The following ATP11B variants were observed in gnomAD, a reference collection of about 807,000 sequenced individuals.
The protein encoded by ATP11B is ATPase phospholipid transporting 11B (putative), also known as phospholipid-transporting ATPase IF.
ATP11B carries 81 observed loss-of-function variants against 157.8 expected under a neutral mutation model. That is an observed-to-expected ratio of 0.51 (90% CI 0.43 to 0.62). The LOEUF is 0.62. Among genes scored for constraint, ATP11B ranks in the 20% least tolerant of loss-of-function variants. ATP11B has a pLI of 0.00. For missense variants in ATP11B, 1,165 were observed against 1,402.2 expected (o/e 0.83, Z 2.70); for synonymous variants, 451 against 469.4 (o/e 0.96, Z 0.51).
At chr3:182,829,894 A>G in intron 4 of ATP11B, 142 bp downstream of exon 4, 1 of 1,434,054 alleles carries the variant, frequency 7.0e-7, no homozygotes, top group Non-Finnish European at 9.1e-7. Flanking sequence ...GTAAAATTAA[A>G]CTGAATTAGC....
chr3:182,911,536 G>C (rs531016492), intron 28 of ATP11B, among the ~76,000 whole-genome samples: 122 of 152,082 alleles, frequency 8.0e-4, no homozygotes, highest in African/African-American at 2.8e-3. Flanking sequence ...CTGTAAACTG[G>C]GGATGATCAT....
chr3:182,920,376 T>G lies in ATP11B; in HGVS notation c.*2272T>G, dbSNP rs1208170192. 6.6e-6 allele frequency: 1 copy of G among 152,172 alleles called. No individual in the cohort carries two copies. The highest frequency in any genetic ancestry group is 1.5e-5 in the Non-Finnish European group (1 of 68,036). 9.4% of individuals were successfully genotyped at this position (152,172 alleles called of 1,614,324 possible). On this transcript the variant is annotated 3_prime_UTR_variant, in exon 30 of 30. Coordinates refer to ENST00000323116, the MANE Select transcript of ATP11B (RefSeq NM_014616.3). ...GTGATTTTAAGAAAAGAGTTTTCTA[T>G]TTATTTAAGAAAGTAACAATGCAGT... is the stretch of plus-strand genomic sequence containing the variant.
At chr3:182,888,122 A>G (rs1430775914) in intron 24 of ATP11B, among the ~76,000 whole-genome samples, 1 of 152,226 alleles carries the variant, frequency 6.6e-6, no homozygotes, top group Non-Finnish European at 1.5e-5. Flanking sequence ...TTCCCACCCC[A>G]GATTCTCTGC....
intron 8 of ATP11B, among the ~76,000 whole-genome samples, chr3:182,842,531 T>A (rs922572561): frequency 6.6e-6 from 1 of 152,122 alleles, no homozygotes; most frequent in Non-Finnish European, 1.5e-5. Context: ...TTGGTTTTTT[T>A]ATGGAAGCTT....
intron 28 of ATP11B, among the ~76,000 whole-genome samples, chr3:182,908,158 A>C (rs1292472078): frequency 1.3e-5 from 2 of 151,264 alleles, no homozygotes; most frequent in African/African-American, 2.4e-5. Flanking sequence ...TATTAAAATA[A>C]ATTTACCGAA....
At chr3:182,872,330 C>T in intron 17 of ATP11B, 26 bp from the exon 18 acceptor site, 1 of 1,463,958 alleles carries the variant, frequency 6.8e-7, no homozygotes, top group Non-Finnish European at 9.2e-7. Context: ...CAATTTTTGT[C>T]TTTAATTTTT....
intron 10 of ATP11B, among the ~76,000 whole-genome samples, chr3:182,851,055 G>A (rs1719938337): frequency 1.3e-5 from 2 of 152,204 alleles, no homozygotes; most frequent in South Asian, 2.1e-4. Flanking sequence ...CACTTTGGGA[G>A]GCTGAGGTGG....
chr3:182,898,014 CAAAA>C (rs1316671458), intron 27 of ATP11B, among the ~76,000 whole-genome samples: 1 of 150,842 alleles, frequency 6.6e-6, no homozygotes, highest in Admixed American at 6.6e-5. Flanking sequence ...ATTTATCAGA[CAAAA>C]AAAAGCTTCT....
chr3:182,837,383 TATTCACAAGTTTCTTCAC>T (rs1420573912), intron 7 of ATP11B, among the ~76,000 whole-genome samples: 31 of 152,272 alleles, frequency 2.0e-4, no homozygotes, highest in Admixed American at 1.9e-3. Context: ...CCAGAGTTTA[TATTCACAAGTTTCTTCAC>T]ATTACCTTCT....
At chr3:182,878,883 CTT>C (rs1446296059) in intron 19 of ATP11B, among the ~76,000 whole-genome samples, 5 of 152,036 alleles carry the variant, frequency 3.3e-5, no homozygotes, top group Non-Finnish European at 7.4e-5. Context: ...TTTTGTAAGA[CTT>C]TTCATCTAAT....
chr3:182,836,231 C>T, intron 5 of ATP11B, 89 bp downstream of exon 5: 1 of 1,559,382 alleles, frequency 6.4e-7, no homozygotes, highest in Non-Finnish European at 8.8e-7. Context: ...AGTTAAAAGC[C>T]TACTTTCCTA....
intron 2 of ATP11B, 63 bp from the exon 3 acceptor site, chr3:182,828,057 A>C: frequency 4.3e-6 from 3 of 700,210 alleles, no homozygotes; most frequent in Non-Finnish European, 6.4e-6. Flanking sequence ...TTACTTCTTA[A>C]TATTATGTCT....
chr3:182,845,921 A>G (rs760564018), intron 9 of ATP11B, among the ~76,000 whole-genome samples: 3 of 152,234 alleles, frequency 2.0e-5, no homozygotes, highest in Non-Finnish European at 2.9e-5. Flanking sequence ...CATTCATTCA[A>G]CAAATTTACT....
At chr3:182,894,622 TA>T (rs962318233) in intron 25 of ATP11B, among the ~76,000 whole-genome samples, 1 of 152,222 alleles carries the variant, frequency 6.6e-6, no homozygotes, top group Non-Finnish European at 1.5e-5. Context: ...TTACTTCGTA[TA>T]ATTTTACCCA....
chr3:182,854,845 T>A (rs1434118327), intron 10 of ATP11B, among the ~76,000 whole-genome samples: 1 of 148,388 alleles, frequency 6.7e-6, no homozygotes, highest in Non-Finnish European at 1.5e-5. Context: ...TTAAAAAAAA[T>A]GGGCAAAAGG....
intron 1 of ATP11B, among the ~76,000 whole-genome samples, chr3:182,813,939 C>T: frequency 6.6e-6 from 1 of 152,158 alleles, no homozygotes; most frequent in East Asian, 1.9e-4. Flanking sequence ...GTTGCCCAGG[C>T]TGTTCTTGAA....
intron 4 of ATP11B, among the ~76,000 whole-genome samples, chr3:182,834,569 T>G (rs1165898736): frequency 6.6e-6 from 1 of 152,214 alleles, no homozygotes; most frequent in African/African-American, 2.4e-5. Flanking sequence ...TTTATTCACT[T>G]ACTCTTTCTT....
At chr3:182,857,706 A>G (rs966725396) in intron 10 of ATP11B, among the ~76,000 whole-genome samples, 172 bp from the exon 11 acceptor site, 1 of 152,208 alleles carries the variant, frequency 6.6e-6, no homozygotes, top group East Asian at 1.9e-4. Flanking sequence ...TTGCTAATAA[A>G]TAAATTCTAT....
chr3:182,839,604 A>ATTTATTTTATTTTATTTTAT (rs56137243), intron 7 of ATP11B, among the ~76,000 whole-genome samples: 4,036 of 149,088 alleles, frequency 0.027, 191 homozygotes, highest in African/African-American at 0.091. Flanking sequence ...TTTTTTAAAT[A>ATTTATTTTATTTTATTTTAT]TTTATTTTAT....
Sources: gnomAD v4.1 joint callset for allele counts (sites outside exome capture counted in the v4.1 genomes callset) on GRCh38, gnomAD v4.1.1 for gene constraint, MANE v1.5 for transcripts, NCBI Gene and HGNC (gene_info 2026-07-23, HGNC 2026-07-21) for gene names.